The following LCP2 variants were observed in gnomAD, a reference collection of about 807,000 sequenced individuals.
LCP2 encodes the protein lymphocyte cytosolic protein 2, also known as 76 kDa tyrosine phosphoprotein.
Under a neutral mutation model 74.5 loss-of-function variants are expected in LCP2, and 29 were observed. The observed-to-expected ratio is 0.39, with a 90% CI of 0.29 to 0.53. LCP2 has a LOEUF of 0.53. Among genes scored for constraint, LCP2 ranks in the 20% least tolerant of loss-of-function variants. The pLI is 0.72. For synonymous variants in LCP2, 228 were observed against 229.5 expected, an observed-to-expected ratio of 0.99 and a Z score of 0.06; for missense variants, 604 against 634.6, an observed-to-expected ratio of 0.95 and a Z score of 0.52.
chr5:170,274,001 C>T, intron 6 of LCP2: 1 of 427,756 alleles, frequency 2.3e-6, no homozygotes, highest in South Asian at 2.5e-5. Flanking sequence ...TGCAGCCTAC[C>T]CTCTGTGTTT....
intron 2 of LCP2, 106 bp from the exon 3 acceptor site, chr5:170,288,122 T>A: frequency 8.3e-7 from 1 of 1,209,714 alleles, no homozygotes; most frequent in Non-Finnish European, 1.2e-6. Context: ...GTGGGGACTG[T>A]GGCAAACAGA....
chr5:170,259,363 C>G (rs1761615138), intron 14 of LCP2, among the ~76,000 whole-genome samples: 1 of 152,180 alleles, frequency 6.6e-6, no homozygotes, highest in Non-Finnish European at 1.5e-5. Flanking sequence ...TTTTGGCTCT[C>G]TTTTGCAATG....
intron 3 of LCP2, among the ~76,000 whole-genome samples, chr5:170,286,520 C>T (rs1177640441): frequency 6.6e-6 from 1 of 152,222 alleles, no homozygotes; most frequent in African/African-American, 2.4e-5. Flanking sequence ...CACTCTCCAG[C>T]ATAGTAGTCA....
chr5:170,275,385 T>G (rs1433908872), intron 4 of LCP2, 34 bp from the exon 5 acceptor site: 5 of 1,613,134 alleles, frequency 3.1e-6, no homozygotes, highest in Non-Finnish European at 4.2e-6. Flanking sequence ...TTAATGGTCT[T>G]CTCGATTTAA....
At chr5:170,266,628 T>C (rs1188858757) in intron 10 of LCP2, among the ~76,000 whole-genome samples, 180 bp downstream of exon 10, 1 of 152,208 alleles carries the variant, frequency 6.6e-6, no homozygotes, top group African/African-American at 2.4e-5. Context: ...TGTGTGATCT[T>C]GGGAAGGTAC....
At chr5:170,270,552 A>G (rs1314565518) in intron 7 of LCP2, 167 bp downstream of exon 7, 2 of 572,406 alleles carry the variant, frequency 3.5e-6, no homozygotes, top group African/African-American at 1.9e-5. Context: ...AGGCCCAGAG[A>G]GACAGAGTTA....
intron 10 of LCP2, 54 bp downstream of exon 10, chr5:170,266,754 C>T (rs1761764434): frequency 1.4e-6 from 2 of 1,452,516 alleles, no homozygotes; most frequent in Admixed American, 3.3e-5. Flanking sequence ...ATGCAGGAAG[C>T]ACTTTATAAC....
intron 5 of LCP2, among the ~76,000 whole-genome samples, chr5:170,275,045 G>A (rs1230103024): frequency 6.6e-6 from 1 of 151,984 alleles, no homozygotes; most frequent in African/African-American, 2.4e-5. Context: ...CAGAGGTGGG[G>A]TCCCTCTGTT....
rs368737549 is a variant in LCP2 at position 170,295,511 on chromosome 5, G to T, written c.78+2023C>A. ...AGAGAGGCAAAGCAACTACAGGAAA[G>T]TCGCCAAGCTAGCAGGTGGCAGAGC... On this transcript the variant is annotated intron_variant, in intron 1 of 20. Coordinates refer to ENST00000046794, the MANE Select transcript of LCP2 (RefSeq NM_005565.5). Among the ~76,000 whole-genome samples, 11 of 152,218 alleles carry T rather than the reference G, an allele frequency of 7.2e-5. No individual in the cohort carries two copies. The East Asian group carries it at 2.1e-3, about 29-fold the overall frequency.
chr5:170,290,658 C>G (rs190762840), intron 2 of LCP2, among the ~76,000 whole-genome samples: 2 of 152,286 alleles, frequency 1.3e-5, no homozygotes, highest in Admixed American at 1.3e-4. Context: ...CTTTTTCCAT[C>G]GGTTAGATGA....
At chr5:170,285,634 C>T (rs547172074) in intron 3 of LCP2, among the ~76,000 whole-genome samples, 1 of 152,314 alleles carries the variant, frequency 6.6e-6, no homozygotes, top group Admixed American at 6.5e-5. Flanking sequence ...TCCTTCTAGG[C>T]ACTCTACCGA....
intron 5 of LCP2, 58 bp downstream of exon 5, chr5:170,275,262 A>G: frequency 1.3e-6 from 2 of 1,596,982 alleles, no homozygotes; most frequent in Non-Finnish European, 1.7e-6. Context: ...GAAAGGCAAG[A>G]AAACTGAAAT....
intron 17 of LCP2, among the ~76,000 whole-genome samples, chr5:170,255,582 C>G (rs987419903): frequency 1.3e-5 from 2 of 152,196 alleles, no homozygotes; most frequent in Non-Finnish European, 2.9e-5. Context: ...ATGCTACTTA[C>G]TAGAGTTGGG....
At chr5:170,286,367 C>A (rs769328517) in intron 3 of LCP2, among the ~76,000 whole-genome samples, 3 of 152,192 alleles carry the variant, frequency 2.0e-5, no homozygotes, top group African/African-American at 7.2e-5. Flanking sequence ...CAGTGGTCAC[C>A]AAATTTAACA....
intron 13 of LCP2, 81 bp from the exon 14 acceptor site, chr5:170,261,218 T>C (rs894441806): frequency 2.4e-5 from 26 of 1,089,812 alleles, no homozygotes; most frequent in Non-Finnish European, 2.6e-5. Flanking sequence ...TTTTGCTTCA[T>C]TGAATAATGA....
chr5:170,263,064 G>T, intron 10 of LCP2, 72 bp from the exon 11 acceptor site: 1 of 1,547,008 alleles, frequency 6.5e-7, no homozygotes, highest in South Asian at 1.1e-5. Context: ...AACACAGTTT[G>T]ATGAAACTAT....
chr5:170,273,723 G>GCCGTATCAT, intron 6 of LCP2: 1 of 155,554 alleles, frequency 6.4e-6, no homozygotes, highest in Admixed American at 6.2e-5. Flanking sequence ...GGGAGGGGTT[G>GCCGTATCAT]TACAATCCGT....
At chr5:170,253,638 A>C (rs1333891091) in intron 17 of LCP2, among the ~76,000 whole-genome samples, 1 of 151,684 alleles carries the variant, frequency 6.6e-6, no homozygotes, top group Admixed American at 6.5e-5. Context: ...GGGACAATGC[A>C]ATGATGAAGA....
At chr5:170,262,496 A>C in intron 13 of LCP2, 139 bp downstream of exon 13, 1 of 625,118 alleles carries the variant, frequency 1.6e-6, no homozygotes. Flanking sequence ...AAGCCTGAAC[A>C]TCCCTCAAGC....
Sources: allele counts gnomAD v4.1 joint callset (sites outside exome capture counted in the v4.1 genomes callset), GRCh38; gene constraint gnomAD v4.1.1; transcripts MANE v1.5; gene names NCBI Gene and HGNC (gene_info 2026-07-23, HGNC 2026-07-21).